The following MTCL2 variants were observed in gnomAD, a reference collection of about 807,000 sequenced individuals.
MTCL2 encodes microtubule crosslinking factor 2.
the MTCL2 span, among the ~76,000 whole-genome samples, chr20:36,836,790 T>C: frequency 2.0e-5 from 3 of 152,102 alleles, no homozygotes; most frequent in Non-Finnish European, 4.4e-5. Context: ...CCTCCACCTC[T>C]GGCGGAGACA....
chr20:36,794,379 C>A, the MTCL2 span: 1 of 1,612,580 alleles, frequency 6.2e-7, no homozygotes. The surrounding 1 kb of genome is among the most constrained non-coding windows in gnomAD (Gnocchi z 5.4). Context: ...ATCTGCCTCC[C>A]TGGGGGGTCC....
At chr20:36,848,707 T>C in the MTCL2 span, among the ~76,000 whole-genome samples, 9 of 152,200 alleles carry the variant, frequency 5.9e-5, no homozygotes, top group Non-Finnish European at 1.2e-4. Flanking sequence ...AACCACCAAC[T>C]TCAAGATCTT....
the MTCL2 span, among the ~76,000 whole-genome samples, chr20:36,850,379 T>C: frequency 1.3e-5 from 2 of 151,948 alleles, no homozygotes; most frequent in Non-Finnish European, 2.9e-5. Flanking sequence ...TACAAAAAAT[T>C]AGCCGGGCGT....
the MTCL2 span, among the ~76,000 whole-genome samples, chr20:36,840,830 A>G: frequency 2.0e-5 from 3 of 151,562 alleles, no homozygotes; most frequent in African/African-American, 7.3e-5. Flanking sequence ...TGGGCGACAG[A>G]GCGAGACTCC....
the MTCL2 span, among the ~76,000 whole-genome samples, chr20:36,832,999 G>A: frequency 6.6e-6 from 1 of 152,130 alleles, no homozygotes; most frequent in African/African-American, 2.4e-5. Flanking sequence ...ACATCCCCCG[G>A]GTGCTCACCA....
chr20:36,845,920 T>C, the MTCL2 span, among the ~76,000 whole-genome samples: 3 of 151,808 alleles, frequency 2.0e-5, no homozygotes, highest in African/African-American at 7.3e-5. Context: ...CTGAAGAGCC[T>C]CTCCCAGCTC....
the MTCL2 span, among the ~76,000 whole-genome samples, chr20:36,823,762 C>T: frequency 2.0e-5 from 3 of 152,152 alleles, no homozygotes; most frequent in Admixed American, 6.5e-5. Context: ...GAACCATGAT[C>T]GTGCCACTAC....
the MTCL2 span, chr20:36,815,535 G>A: frequency 6.4e-7 from 1 of 1,573,710 alleles, no homozygotes; most frequent in South Asian, 1.2e-5. This position sits in a 1 kb window ranked among gnomAD's most constrained non-coding sequence, Gnocchi z 5.3. Context: ...GGACTCGTGT[G>A]TCTCGCCCAG....
At chr20:36,859,070 C>T in the MTCL2 span, among the ~76,000 whole-genome samples, 1 of 152,272 alleles carries the variant, frequency 6.6e-6, no homozygotes, top group Middle Eastern at 3.4e-3. Flanking sequence ...GGATTACAGG[C>T]GTGAGTCACT....
the MTCL2 span, among the ~76,000 whole-genome samples, chr20:36,833,535 G>A: frequency 2.0e-5 from 3 of 152,258 alleles, no homozygotes; most frequent in Non-Finnish European, 4.4e-5. Flanking sequence ...CTCAGGGAGA[G>A]GGATGGGAGC....
At chr20:36,836,613 G>C in the MTCL2 span, among the ~76,000 whole-genome samples, 1 of 151,956 alleles carries the variant, frequency 6.6e-6, no homozygotes, top group South Asian at 2.1e-4. Context: ...CAAAGTGCTA[G>C]GATTACAGGT....
the MTCL2 span, chr20:36,794,371 C>T: frequency 1.9e-6 from 3 of 1,611,484 alleles, no homozygotes; most frequent in Non-Finnish European, 2.5e-6. This position sits in a 1 kb window ranked among gnomAD's most constrained non-coding sequence, Gnocchi z 5.4. Flanking sequence ...TGCGCTGCAT[C>T]TGCCTCCCTG....
the MTCL2 span, chr20:36,793,471 G>A: frequency 6.4e-7 from 1 of 1,551,472 alleles, no homozygotes; most frequent in South Asian, 1.2e-5. The surrounding 1 kb of genome is among the most constrained non-coding windows in gnomAD (Gnocchi z 6.8). Context: ...TCGGTGCCCG[G>A]CCACACACAT....
chr20:36,786,758 CTGAAGCT>C, the MTCL2 span: 1 of 960,858 alleles, frequency 1.0e-6, no homozygotes, highest in Admixed American at 2.7e-5. Flanking sequence ...TTCCCAGGGG[CTGAAGCT>C]CCTCACTGGA....
chr20:36,809,050 C>A, the MTCL2 span, among the ~76,000 whole-genome samples: 1 of 152,308 alleles, frequency 6.6e-6, no homozygotes, highest in East Asian at 1.9e-4. Context: ...GAGGAACCTG[C>A]GAGGGTGAGC....
the MTCL2 span, chr20:36,808,825 G>C: frequency 7.6e-7 from 1 of 1,318,444 alleles, no homozygotes; most frequent in South Asian, 1.4e-5. Flanking sequence ...CAGGGGCAGG[G>C]AGGAAAGTCT....
chr20:36,849,526 T>C, the MTCL2 span, among the ~76,000 whole-genome samples: 3 of 152,102 alleles, frequency 2.0e-5, no homozygotes, highest in Non-Finnish European at 4.4e-5. Context: ...CCTTGACCTC[T>C]TGGACTAAAG....
the MTCL2 span, among the ~76,000 whole-genome samples, chr20:36,822,571 A>G: frequency 6.6e-6 from 1 of 152,154 alleles, no homozygotes; most frequent in Non-Finnish European, 1.5e-5. Context: ...ACAGCTCTGG[A>G]GGGGCCTCTG....
chr20:36,812,679 C>CT, the MTCL2 span: 56 of 1,611,280 alleles, frequency 3.5e-5, no homozygotes, highest in Non-Finnish European at 4.8e-5. Flanking sequence ...TACCCAATCC[C>CT]ATGCTTGCTC....
Sources: allele counts gnomAD v4.1 joint callset (sites outside exome capture counted in the v4.1 genomes callset), GRCh38; gene constraint gnomAD v4.1.1; non-coding constraint Gnocchi (gnomAD v3.1); transcripts MANE v1.5; gene names NCBI Gene and HGNC (gene_info 2026-07-23, HGNC 2026-07-21).